The following RGS12 variants were observed in gnomAD, a reference collection of about 807,000 sequenced individuals.
RGS12 encodes regulator of G-protein signaling 12.
RGS12 carries 66 observed loss-of-function variants against 120.1 expected under a neutral mutation model. The observed-to-expected ratio is 0.55, with a 90% confidence interval of 0.45 to 0.67. The LOEUF (loss-of-function observed/expected upper bound fraction) is 0.67. RGS12 is among the 30% of genes least tolerant of loss of function. The pLI, the probability that RGS12 is intolerant of heterozygous loss-of-function variation, is 0.00. For synonymous variants in RGS12, 827 were observed against 804.7 expected (o/e 1.03, Z -0.47); for missense variants, 1,859 against 1,957.7 (o/e 0.95, Z 0.95).
intron 14 of RGS12, chr4:3,426,868 T>G (rs1490630286): frequency 6.6e-6 from 1 of 152,198 alleles, no homozygotes; most frequent in African/African-American, 2.4e-5. Context: ...GAAACCCACC[T>G]GCAGATGTTC....
intron 3 of RGS12, chr4:3,378,237 A>G (rs907237763): frequency 2.0e-5 from 3 of 152,194 alleles, no homozygotes; most frequent in Admixed American, 6.5e-5. Context: ...TGGGGTCCTC[A>G]TCGCACACCA....
At chr4:3,376,414 A>G (rs1717700976) in intron 3 of RGS12, among the ~76,000 whole-genome samples, 1 of 152,170 alleles carries the variant, frequency 6.6e-6, no homozygotes, top group South Asian at 2.1e-4. Flanking sequence ...TGAGGAGGGC[A>G]CCATGCTGAG....
intron 2 of RGS12, among the ~76,000 whole-genome samples, chr4:3,335,343 A>G (rs1206025543): frequency 6.6e-6 from 1 of 152,182 alleles, no homozygotes; most frequent in Non-Finnish European, 1.5e-5. Flanking sequence ...TTGATTCTAA[A>G]ATAGTTTTGC....
intron 1 of RGS12, among the ~76,000 whole-genome samples, chr4:3,297,879 CTT>C (rs1409791690): frequency 6.6e-6 from 1 of 152,160 alleles, no homozygotes; most frequent in Non-Finnish European, 1.5e-5. Context: ...AAGTCCTACT[CTT>C]TTGATACCTA....
At position 3,345,581 on chromosome 4, in the gene RGS12, A is replaced by G. The variant is rs570989586; in HGVS notation, c.1998+2528A>G. Among the ~76,000 whole-genome samples the G allele has an allele frequency of 1.8e-3, 272 of 152,288 alleles. 3 individuals are homozygous for G. The highest frequency in any genetic ancestry group is 6.4e-3 in the African/African-American group (268 of 41,558). On this transcript the variant is annotated intron_variant, in intron 3 of 17. Transcript: ENST00000336727. ...GAGCTCATTTAGCCACATTTGAGCA[A>G]CCAGGGAGGTGTGGAGGGAGTGGCC...
At chr4:3,356,910 A>T (rs1464073412) in intron 3 of RGS12, among the ~76,000 whole-genome samples, 1 of 152,152 alleles carries the variant, frequency 6.6e-6, no homozygotes, top group Non-Finnish European at 1.5e-5. Context: ...GGCATATCCC[A>T]AAAGTGGAAT....
At chr4:3,362,454 G>A (rs1182870178) in intron 3 of RGS12, among the ~76,000 whole-genome samples, 2 of 147,644 alleles carry the variant, frequency 1.4e-5, no homozygotes, top group East Asian at 2.0e-4. Context: ...GTGTGTGAGG[G>A]TGCGAGGGTG....
rs527548953 is a variant in RGS12, at chr4:3,348,288, C to T, written c.1998+5235C>T. On this transcript the variant is annotated intron_variant, in intron 3 of 17. Transcript: ENST00000336727. ...GAGTTCCATGAATGTAAACAAACAA[C>T]CCACTCAAAGCTCAGTTTTCCTACA... Among the ~76,000 whole-genome samples the T allele has an allele frequency of 3.3e-5, 5 of 152,222 alleles. No individual in the cohort carries two copies. In the East Asian group the frequency reaches 5.8e-4, roughly 18 times the overall value.
intron 1 of RGS12, among the ~76,000 whole-genome samples, chr4:3,305,516 C>G (rs1723924848): frequency 6.6e-6 from 1 of 152,238 alleles, no homozygotes; most frequent in Non-Finnish European, 1.5e-5. Context: ...GTACCCCGGT[C>G]TATTGACCTG....
At chr4:3,326,444 C>T (rs111326229) in intron 2 of RGS12, among the ~76,000 whole-genome samples, 7 of 152,230 alleles carry the variant, frequency 4.6e-5, no homozygotes, top group South Asian at 2.1e-4. Flanking sequence ...GGTGGAGTCT[C>T]ACAGTGTAGC....
At chr4:3,439,252 T>C (rs181441303) in intron 17 of RGS12, among the ~76,000 whole-genome samples, 16 of 152,170 alleles carry the variant, frequency 1.1e-4, no homozygotes, top group Non-Finnish European at 2.9e-5. Flanking sequence ...TGTGGAGGGC[T>C]CTGGGAACAC....
At chr4:3,387,685 A>G (rs918178413) in intron 4 of RGS12, among the ~76,000 whole-genome samples, 1 of 152,250 alleles carries the variant, frequency 6.6e-6, no homozygotes, top group Non-Finnish European at 1.5e-5. Flanking sequence ...GAAAAGAAAC[A>G]GGACCCGGAA....
At chr4:3,423,175 C>T (rs1723222635) in intron 12 of RGS12, among the ~76,000 whole-genome samples, 197 bp downstream of exon 12, 1 of 152,168 alleles carries the variant, frequency 6.6e-6, no homozygotes, top group African/African-American at 2.4e-5. Flanking sequence ...GGCGCCCTCT[C>T]CTCCCTGTCC....
At chr4:3,406,546 A>G (rs141763552) in intron 4 of RGS12, among the ~76,000 whole-genome samples, 157 of 152,336 alleles carry the variant, frequency 1.0e-3, no homozygotes, top group African/African-American at 3.7e-3. Context: ...TGGGATGGCC[A>G]TGCCCATTCC....
At chr4:3,337,606 G>T (rs915426456) in intron 2 of RGS12, among the ~76,000 whole-genome samples, 7 of 152,128 alleles carry the variant, frequency 4.6e-5, no homozygotes, top group Non-Finnish European at 8.8e-5. Flanking sequence ...AGTCACAGAA[G>T]GACACACACT....
At chr4:3,427,171 G>A (rs1482347728) in intron 14 of RGS12, among the ~76,000 whole-genome samples, 3 of 152,226 alleles carry the variant, frequency 2.0e-5, no homozygotes, top group Non-Finnish European at 4.4e-5. Flanking sequence ...ACCCAGGCAG[G>A]TGGGGCAGGC....
Position 3,372,048 on chromosome 4 carries a change from G to A in RGS12, c.1999-14368G>A, listed in dbSNP as rs1358663250. Among the ~76,000 whole-genome samples the A allele has an allele frequency of 2.6e-5, 4 of 152,202 alleles. No individual in the cohort carries two copies. The highest frequency in any genetic ancestry group is 9.6e-5 in the African/African-American group (4 of 41,464). On this transcript the variant is annotated intron_variant, in intron 3 of 17. Coordinates refer to ENST00000336727, the MANE Select transcript of RGS12 (RefSeq NM_001394154.1). The surrounding 1 kb of genome is among the most constrained non-coding windows in gnomAD (Gnocchi z 4.3). ...TTTGGCAGGCCGGGAAGATGCCCGTGCCTGTCACCTAATCGGGGCACCTCA... is the reference window on the plus strand; with the variant it reads ...TTTGGCAGGCCGGGAAGATGCCCGTACCTGTCACCTAATCGGGGCACCTCA...
intron 1 of RGS12, among the ~76,000 whole-genome samples, chr4:3,295,602 G>A (rs1168348110): frequency 2.0e-5 from 3 of 150,654 alleles, no homozygotes; most frequent in Non-Finnish European, 3.0e-5. Context: ...GGAGGTTGCG[G>A]TGAGCCAAGA....
chr4:3,363,861 T>C (rs1311128140), intron 3 of RGS12, among the ~76,000 whole-genome samples: 4 of 150,662 alleles, frequency 2.7e-5, no homozygotes, highest in African/African-American at 9.8e-5. Context: ...GAGGGTGGCC[T>C]GGAGGGCTGG....
Sources: gnomAD v4.1 joint callset for allele counts (sites outside exome capture counted in the v4.1 genomes callset) on GRCh38, gnomAD v4.1.1 for gene constraint, Gnocchi (gnomAD v3.1) non-coding constraint, MANE v1.5 for transcripts, NCBI Gene and HGNC (gene_info 2026-07-23, HGNC 2026-07-21) for gene names.